The following PPARGC1A variants were observed in gnomAD, a reference collection of about 807,000 sequenced individuals.
The protein encoded by PPARGC1A is peroxisome proliferator-activated receptor gamma coactivator 1-alpha.
Under a neutral mutation model 88.7 loss-of-function variants are expected in PPARGC1A, and 25 were observed. The observed-to-expected ratio is 0.28, with a 90% CI of 0.21 to 0.39. The LOEUF (loss-of-function observed/expected upper bound fraction) is 0.39. Among genes scored for constraint, PPARGC1A ranks in the 10% least tolerant of loss-of-function variants. PPARGC1A has a pLI of 1.00. For missense variants in PPARGC1A, 880 were observed against 968.7 expected, an observed-to-expected ratio of 0.91 and a Z score of 1.22; for synonymous variants, 363 against 355.6, an observed-to-expected ratio of 1.02 and a Z score of -0.24.
the PPARGC1A span, among the ~76,000 whole-genome samples, chr4:24,182,974 G>GT: frequency 6.6e-6 from 1 of 152,172 alleles, no homozygotes; most frequent in Admixed American, 6.5e-5. Context: ...CCATCCCAGT[G>GT]TCGGGGGAAG....
chr4:23,797,685 C>T (rs1163423445), intron 12 of PPARGC1A, among the ~76,000 whole-genome samples: 1 of 151,106 alleles, frequency 6.6e-6, no homozygotes, highest in Non-Finnish European at 1.5e-5. Context: ...CCCACTTATA[C>T]AGGCACACTG....
chr4:23,813,083 C>A lies in PPARGC1A; in HGVS notation c.1836G>T (p.Thr612=). The change falls in exon 9 of 13, where the codon ACG becomes ACT. Residue 612 remains threonine, a synonymous_variant. Coordinates refer to ENST00000264867, the MANE Select transcript of PPARGC1A (RefSeq NM_013261.5). Reference sequence around the variant, plus strand: ...TCACATACAAGGGAGAATTTCGGTGCGTGCGGTGTCTGTAGTGGCTTGACT... The same window carrying A: ...TCACATACAAGGGAGAATTTCGGTGAGTGCGGTGTCTGTAGTGGCTTGACT... ...YYESSHYRHR[T]HRNSPLYVRS... The A allele has an allele frequency of 6.2e-7, 1 of 1,614,036 alleles. No homozygotes were observed. Among genetic ancestry groups the A allele is most frequent in the Non-Finnish European group, 8.5e-7 (1 of 1,179,958 alleles).
At chr4:24,222,782 C>A in the PPARGC1A span, among the ~76,000 whole-genome samples, 9 of 152,278 alleles carry the variant, frequency 5.9e-5, no homozygotes, top group Non-Finnish European at 1.3e-4. Context: ...AGAACAAACT[C>A]TTGTCTTTGT....
the PPARGC1A span, among the ~76,000 whole-genome samples, chr4:24,002,523 G>A: frequency 2.6e-5 from 4 of 151,702 alleles, no homozygotes; most frequent in South Asian, 2.1e-4. Context: ...TGAAACAGCC[G>A]CAAAGGTTTA....
the PPARGC1A span, among the ~76,000 whole-genome samples, chr4:24,265,683 C>A: frequency 6.6e-6 from 1 of 152,018 alleles, no homozygotes; most frequent in Non-Finnish European, 1.5e-5. Flanking sequence ...ATATATGCTG[C>A]TTTCCATGAA....
the PPARGC1A span, among the ~76,000 whole-genome samples, chr4:24,415,131 A>G: frequency 6.6e-6 from 1 of 151,994 alleles, no homozygotes; most frequent in African/African-American, 2.4e-5. Flanking sequence ...TAGAGGTTGC[A>G]GTGAGCCAAG....
the PPARGC1A span, among the ~76,000 whole-genome samples, chr4:24,443,106 T>A: frequency 6.6e-6 from 1 of 152,160 alleles, no homozygotes; most frequent in African/African-American, 2.4e-5. Flanking sequence ...CCTAAATTGG[T>A]TAACCTCATG....
the PPARGC1A span, among the ~76,000 whole-genome samples, chr4:24,130,914 G>A: frequency 1.3e-5 from 2 of 152,102 alleles, no homozygotes; most frequent in Non-Finnish European, 2.9e-5. Flanking sequence ...GGTCTGCACT[G>A]TCCCCTCATC....
intron 10 of PPARGC1A, among the ~76,000 whole-genome samples, chr4:23,812,163 A>G (rs1230944900): frequency 6.6e-6 from 1 of 151,798 alleles, no homozygotes; most frequent in Non-Finnish European, 1.5e-5. Flanking sequence ...GGCTGGTCTC[A>G]AACTTCTGGC....
the PPARGC1A span, among the ~76,000 whole-genome samples, chr4:24,432,060 A>G: frequency 5.9e-5 from 9 of 152,322 alleles, no homozygotes; most frequent in Non-Finnish European, 1.2e-4. Flanking sequence ...GAGTAGGAAG[A>G]AATGTCAAGA....
chr4:23,833,927 G>A (rs1725523262), intron 2 of PPARGC1A, among the ~76,000 whole-genome samples: 1 of 152,196 alleles, frequency 6.6e-6, no homozygotes, highest in Non-Finnish European at 1.5e-5. Flanking sequence ...CACTTTGGGA[G>A]GCCAAGGCAG....
the PPARGC1A span, among the ~76,000 whole-genome samples, chr4:24,020,496 T>C: frequency 6.6e-6 from 1 of 152,190 alleles, no homozygotes; most frequent in East Asian, 1.9e-4. Context: ...TTATTCCATG[T>C]TTTTCTCCTG....
At chr4:24,075,737 G>A in the PPARGC1A span, among the ~76,000 whole-genome samples, 4 of 152,046 alleles carry the variant, frequency 2.6e-5, no homozygotes, top group Non-Finnish European at 5.9e-5. Context: ...CATGTAAGAC[G>A]TGGCTTTTCT....
chr4:24,328,196 C>T, the PPARGC1A span, among the ~76,000 whole-genome samples: 1 of 152,014 alleles, frequency 6.6e-6, no homozygotes, highest in African/African-American at 2.4e-5. Context: ...GGTCTCTTCA[C>T]ACGGACGCGC....
chr4:23,863,727 C>T (rs974299283), intron 2 of PPARGC1A, among the ~76,000 whole-genome samples: 2 of 152,148 alleles, frequency 1.3e-5, no homozygotes, highest in African/African-American at 2.4e-5. Context: ...AATCTCTCTA[C>T]ACCTTGAAGA....
At chr4:24,071,865 G>A in the PPARGC1A span, among the ~76,000 whole-genome samples, 1 of 152,120 alleles carries the variant, frequency 6.6e-6, no homozygotes, top group Non-Finnish European at 1.5e-5. Flanking sequence ...CATGAGAAGT[G>A]TTCCCATTCT....
At chr4:23,915,623 G>T in the PPARGC1A span, among the ~76,000 whole-genome samples, 57 of 152,170 alleles carry the variant, frequency 3.7e-4, no homozygotes, top group African/African-American at 1.3e-3. Flanking sequence ...TTTTAGCTCA[G>T]CTCTAGAATA....
the PPARGC1A span, among the ~76,000 whole-genome samples, chr4:24,254,919 A>T: frequency 1.3e-5 from 2 of 152,152 alleles, no homozygotes; most frequent in African/African-American, 4.8e-5. Context: ...TTTTTCAGGG[A>T]TTATGGAAAT....
chr4:24,470,689 C>G, the PPARGC1A span, among the ~76,000 whole-genome samples: 1 of 151,950 alleles, frequency 6.6e-6, no homozygotes, highest in Non-Finnish European at 1.5e-5. The surrounding 1 kb of genome is among the most constrained non-coding windows in gnomAD (Gnocchi z 5.8). Context: ...GGCCGGCGTA[C>G]TTCCCGGGGG....
Sources: gnomAD v4.1 joint callset for allele counts (sites outside exome capture counted in the v4.1 genomes callset) on GRCh38, gnomAD v4.1.1 for gene constraint, Gnocchi (gnomAD v3.1) non-coding constraint, MANE v1.5 for transcripts, NCBI Gene and HGNC (gene_info 2026-07-23, HGNC 2026-07-21) for gene names.